RIMS1: variants seen among roughly 807,000 people sequenced by gnomAD.
The protein encoded by RIMS1 is regulating synaptic membrane exocytosis protein 1.
A neutral mutation model predicts 214.1 loss-of-function variants in RIMS1; 83 were observed. That is an observed-to-expected ratio of 0.39 (90% CI 0.32 to 0.47). RIMS1 has a LOEUF of 0.47. Among genes scored for constraint, RIMS1 ranks in the 20% least tolerant of loss-of-function variants. The probability of loss-of-function intolerance (pLI) is 0.99; values close to 1 mark genes in which losing one functional copy is unlikely to be tolerated. For missense variants in RIMS1, 2,050 were observed against 2,161.8 expected, an observed-to-expected ratio of 0.95 and a Z score of 1.03; for synonymous variants, 793 against 786.8, an observed-to-expected ratio of 1.01 and a Z score of -0.13.
At chr6:72,329,308 TTTAA>T (rs1487194433) in intron 28 of RIMS1, among the ~76,000 whole-genome samples, 9 of 151,782 alleles carry the variant, frequency 5.9e-5, no homozygotes, top group African/African-American at 1.7e-4. Flanking sequence ...ATGTTGGAGC[TTTAA>T]TTAATTAGTG....
chr6:72,070,077 CTTATA>C (rs1201912736), intron 2 of RIMS1, among the ~76,000 whole-genome samples: 1 of 152,068 alleles, frequency 6.6e-6, no homozygotes, highest in East Asian at 1.9e-4. Context: ...ATATTATTCT[CTTATA>C]TTAATGTATT....
chr6:72,205,429 C>A (rs1236120370), intron 6 of RIMS1, among the ~76,000 whole-genome samples: 1 of 152,144 alleles, frequency 6.6e-6, no homozygotes, highest in Non-Finnish European at 1.5e-5. Flanking sequence ...GCTGCCAAGA[C>A]AGCTCTTTCT....
At chr6:72,282,388 G>GC (rs1207323572) in intron 23 of RIMS1, among the ~76,000 whole-genome samples, 1 of 151,692 alleles carries the variant, frequency 6.6e-6, no homozygotes, top group Non-Finnish European at 1.5e-5. Context: ...TGGAATCTCT[G>GC]CCCCCCTACC....
intron 4 of RIMS1, among the ~76,000 whole-genome samples, chr6:72,108,345 C>T (rs2035224073): frequency 6.6e-6 from 1 of 152,146 alleles, no homozygotes; most frequent in African/African-American, 2.4e-5. Flanking sequence ...CTGCCTCTGC[C>T]TCCCAAAGTG....
At chr6:72,055,255 G>A (rs1057362565) in intron 2 of RIMS1, among the ~76,000 whole-genome samples, 7 of 152,112 alleles carry the variant, frequency 4.6e-5, no homozygotes, top group Non-Finnish European at 1.0e-4. Flanking sequence ...GGCATTTCAT[G>A]AGCACCTGCT....
intron 2 of RIMS1, among the ~76,000 whole-genome samples, chr6:72,029,323 G>C (rs1817422839): frequency 6.6e-6 from 1 of 152,132 alleles, no homozygotes; most frequent in Non-Finnish European, 1.5e-5. Flanking sequence ...ATAAATAATA[G>C]TTTCTACATA....
chr6:72,096,031 G>C (rs1488286385), intron 2 of RIMS1, among the ~76,000 whole-genome samples: 4 of 152,176 alleles, frequency 2.6e-5, no homozygotes, highest in Non-Finnish European at 4.4e-5. Context: ...ACAGCAAACA[G>C]TTCTATTTAT....
chr6:72,217,348 C>T, intron 6 of RIMS1: 1 of 1,021,904 alleles, frequency 9.8e-7, no homozygotes, highest in Non-Finnish European at 1.4e-6. Flanking sequence ...TAGATTCTAT[C>T]AGTAGAGAAT....
chr6:72,023,611 G>A (rs970399586), intron 2 of RIMS1, among the ~76,000 whole-genome samples: 1 of 151,976 alleles, frequency 6.6e-6, no homozygotes, highest in African/African-American at 2.4e-5. Context: ...ACATAGCTTT[G>A]TGATCTTTTT....
chr6:72,300,907 G>A (rs886321572), intron 26 of RIMS1, among the ~76,000 whole-genome samples: 3 of 151,698 alleles, frequency 2.0e-5, no homozygotes, highest in African/African-American at 7.2e-5. Context: ...GCTGCAGTGA[G>A]ACTTAAGTGA....
At position 71,952,039 on chromosome 6, in the gene RIMS1, T is replaced by G. The variant is rs535441867; in HGVS notation, c.165-16944T>G. ...TGAAGTGTTAAAAGACAGTCCAGAT[T>G]GGTGGCCCTATGACAGTTCCATCAT... On this transcript the variant is annotated intron_variant, in intron 1 of 33. Coordinates refer to ENST00000521978, the MANE Select transcript of RIMS1 (RefSeq NM_014989.7). 2.2e-4 allele frequency among the ~76,000 whole-genome samples: 34 copies of G among 152,304 alleles called. 1 individual carries two copies. The highest frequency in any genetic ancestry group is 6.0e-4 in the African/African-American group (25 of 41,566).
chr6:72,292,188 C>T, intron 26 of RIMS1, 142 bp downstream of exon 26: 1 of 585,362 alleles, frequency 1.7e-6, no homozygotes, highest in Non-Finnish European at 3.0e-6. Flanking sequence ...ACAGTTTTAT[C>T]CCCAACACCT....
At chr6:72,055,846 C>T (rs1203721754) in intron 2 of RIMS1, among the ~76,000 whole-genome samples, 1 of 152,180 alleles carries the variant, frequency 6.6e-6, no homozygotes, top group African/African-American at 2.4e-5. Context: ...TTGTGAAAAG[C>T]AGTTTGGTTA....
chr6:72,337,995 G>A (rs1046713098), intron 29 of RIMS1, among the ~76,000 whole-genome samples: 3 of 151,466 alleles, frequency 2.0e-5, no homozygotes, highest in African/African-American at 7.3e-5. Flanking sequence ...TATCATTGTT[G>A]GACATTTAGG....
chr6:72,387,996 G>T (rs964475305), intron 29 of RIMS1, among the ~76,000 whole-genome samples: 5 of 152,132 alleles, frequency 3.3e-5, no homozygotes, highest in Non-Finnish European at 7.4e-5. Flanking sequence ...TGTGAAAATT[G>T]CACATTAGTA....
At chr6:72,396,404 A>C (rs953309557) in intron 31 of RIMS1, among the ~76,000 whole-genome samples, 9 of 152,202 alleles carry the variant, frequency 5.9e-5, no homozygotes, top group Admixed American at 1.3e-4. Flanking sequence ...TAGAAGCATA[A>C]TTTGGTGCAG....
chr6:71,893,798 A>G (rs927095524), intron 1 of RIMS1, among the ~76,000 whole-genome samples: 1 of 152,176 alleles, frequency 6.6e-6, no homozygotes, highest in African/African-American at 2.4e-5. Flanking sequence ...TTCTGTTGCA[A>G]TATTGTGAAA....
chr6:72,020,968 T>C (rs918151348), intron 2 of RIMS1, among the ~76,000 whole-genome samples: 1 of 152,344 alleles, frequency 6.6e-6, no homozygotes, highest in South Asian at 2.1e-4. Flanking sequence ...CTGATTACTG[T>C]ATCTGTTTTA....
At chr6:72,382,250 G>A (rs568339109) in intron 29 of RIMS1, among the ~76,000 whole-genome samples, 1 of 152,240 alleles carries the variant, frequency 6.6e-6, no homozygotes, top group African/African-American at 2.4e-5. Flanking sequence ...ATTTTTACAA[G>A]TTGTACTTAT....
Sources: allele counts gnomAD v4.1 joint callset (sites outside exome capture counted in the v4.1 genomes callset), GRCh38; gene constraint gnomAD v4.1.1; transcripts MANE v1.5; gene names NCBI Gene and HGNC (gene_info 2026-07-23, HGNC 2026-07-21).